Variants in RGL1 observed in about 807,000 individuals in gnomAD.
The protein encoded by RGL1 is ral guanine nucleotide dissociation stimulator-like 1.
Under a neutral mutation model 95.2 loss-of-function variants are expected in RGL1, and 24 were observed. That is an observed-to-expected ratio of 0.25 (90% CI 0.18 to 0.35). RGL1 has a LOEUF of 0.35. Among genes scored for constraint, RGL1 ranks in the 10% least tolerant of loss-of-function variants. The probability of loss-of-function intolerance (pLI) is 1.00; values close to 1 mark genes in which losing one functional copy is unlikely to be tolerated. For missense variants in RGL1, 715 were observed against 936.3 expected (o/e 0.76, Z 3.08); for synonymous variants, 329 against 344.9 (o/e 0.95, Z 0.51).
At chr1:183,834,050 G>A (rs1317356597) in intron 2 of RGL1, among the ~76,000 whole-genome samples, 3 of 149,634 alleles carry the variant, frequency 2.0e-5, no homozygotes, top group East Asian at 3.9e-4. Flanking sequence ...GACCTCATAA[G>A]AGTCTAGGCC....
In RGL1 at chr1:183,864,495, G is replaced by A. The variant is rs77446737; in HGVS notation, c.348-1501G>A. Reference sequence around the variant, plus strand: ...CACCAAGCCTGCTGTGAGAGAGTACGAGGACATAGTTTGCTACGATGTTGG... The same window carrying A: ...CACCAAGCCTGCTGTGAGAGAGTACAAGGACATAGTTTGCTACGATGTTGG... On this transcript the variant is annotated intron_variant, in intron 3 of 17. Coordinates refer to ENST00000360851, the MANE Select transcript of RGL1 (RefSeq NM_001297671.3). Among the ~76,000 whole-genome samples, 132 of 152,332 alleles carry A rather than the reference G, an allele frequency of 8.7e-4. 2 individuals carry two copies. In the East Asian group the frequency reaches 0.023, roughly 26 times the overall value.
intron 1 of RGL1, among the ~76,000 whole-genome samples, chr1:183,736,679 A>C (rs907042202): frequency 1.3e-5 from 2 of 152,224 alleles, no homozygotes; most frequent in African/African-American, 2.4e-5. Flanking sequence ...ATGTAGGAGG[A>C]AAGAAATGGC....
intron 3 of RGL1, among the ~76,000 whole-genome samples, chr1:183,852,843 A>G (rs926519404): frequency 2.0e-5 from 3 of 152,094 alleles, no homozygotes; most frequent in South Asian, 4.2e-4. Context: ...CATTTTAAAC[A>G]TAAGGGTGTT....
intron 1 of RGL1, among the ~76,000 whole-genome samples, chr1:183,737,005 A>T (rs890242571): frequency 6.6e-6 from 1 of 152,200 alleles, no homozygotes; most frequent in Non-Finnish European, 1.5e-5. Flanking sequence ...GATGTCTCAT[A>T]TGCTATTTAT....
chr1:183,776,030 T>C (rs1468768403), intron 2 of RGL1, among the ~76,000 whole-genome samples: 2 of 152,110 alleles, frequency 1.3e-5, no homozygotes, highest in Non-Finnish European at 2.9e-5. Context: ...AATTGATTCC[T>C]ACCTTTATAA....
At chr1:183,666,504 C>T (rs1652047989) in intron 1 of RGL1, among the ~76,000 whole-genome samples, 1 of 151,884 alleles carries the variant, frequency 6.6e-6, no homozygotes. Flanking sequence ...TGGAATTTTC[C>T]AGCTATCTTT....
intron 2 of RGL1, among the ~76,000 whole-genome samples, chr1:183,840,589 A>G (rs1220679892): frequency 2.0e-5 from 3 of 152,010 alleles, no homozygotes; most frequent in African/African-American, 4.8e-5. Context: ...CAGGCCAGGT[A>G]TGGTGGCTCA....
At chr1:183,882,432 T>C (rs866966541) in intron 5 of RGL1, among the ~76,000 whole-genome samples, 19 of 152,332 alleles carry the variant, frequency 1.2e-4, no homozygotes, top group African/African-American at 4.3e-4. Context: ...TCTGAACCTT[T>C]ATTTGGGATC....
At chr1:183,642,689 G>A (rs1650007637) in intron 1 of RGL1, among the ~76,000 whole-genome samples, 1 of 152,156 alleles carries the variant, frequency 6.6e-6, no homozygotes, top group South Asian at 2.1e-4. Flanking sequence ...ACTAGACATA[G>A]AGCCTGATTT....
intron 8 of RGL1, among the ~76,000 whole-genome samples, chr1:183,891,417 T>C (rs557945216): frequency 1.3e-5 from 2 of 152,272 alleles, no homozygotes; most frequent in South Asian, 4.1e-4. Flanking sequence ...AGCACTGTCA[T>C]ATTTCCCTTG....
At chr1:183,891,856 A>G (rs1286261691) in intron 8 of RGL1, among the ~76,000 whole-genome samples, 1 of 151,410 alleles carries the variant, frequency 6.6e-6, no homozygotes, top group African/African-American at 2.4e-5. Flanking sequence ...GGCTAGGGAA[A>G]TATACCTCTC....
intron 1 of RGL1, among the ~76,000 whole-genome samples, chr1:183,650,654 CTG>C (rs1325879619): frequency 6.6e-6 from 1 of 150,754 alleles, no homozygotes; most frequent in Non-Finnish European, 1.5e-5. Context: ...ATAAATATTT[CTG>C]TGAGAAATTA....
chr1:183,801,601 A>G (rs1398734668), upstream of RGL1, among the ~76,000 whole-genome samples: 2 of 152,106 alleles, frequency 1.3e-5, no homozygotes, highest in Admixed American at 1.3e-4. Flanking sequence ...TTCCCCCTAT[A>G]TTTTTATCTA....
rs957977079 is a variant in RGL1 at position 183,916,796 on chromosome 1, C to T, written c.2004+95C>T. ...AGACTAATAGCCCTAAATATGCACA[C>T]TCAATATTAGCATATACATATATGC... On this transcript the variant is annotated intron_variant, in intron 16 of 17. Coordinates refer to ENST00000360851, the MANE Select transcript of RGL1 (RefSeq NM_001297671.3). 2.9e-6 allele frequency: 4 copies of T among 1,389,776 alleles called. No homozygotes were observed. The African/African-American group carries it at 5.7e-5, about 20-fold the overall frequency. 86.1% of individuals were successfully genotyped at this position (1,389,776 alleles called of 1,614,324 possible). A position where few individuals can be genotyped will look rare whatever the true frequency, so the allele number is the denominator to read the frequency against.
intron 5 of RGL1, 51 bp downstream of exon 5, chr1:183,880,851 C>A (rs776242005): frequency 1.3e-6 from 2 of 1,533,934 alleles, no homozygotes; most frequent in Admixed American, 3.6e-5. Flanking sequence ...ATTCTCCAGC[C>A]TCCACGCTGG....
intron 1 of RGL1, among the ~76,000 whole-genome samples, chr1:183,672,548 C>G (rs1045058238): frequency 6.6e-6 from 1 of 152,136 alleles, no homozygotes; most frequent in Non-Finnish European, 1.5e-5. Context: ...GTTAATTTCT[C>G]CGGATCAGTC....
chr1:183,928,097 C>T lies in RGL1; in HGVS notation c.*1805C>T, dbSNP rs553475577. The T allele has an allele frequency of 6.6e-6, 1 of 151,786 alleles. No homozygotes were observed. The highest frequency in any genetic ancestry group is 1.5e-5 in the Non-Finnish European group (1 of 67,938). 9.4% of individuals were successfully genotyped at this position (151,786 alleles called of 1,614,324 possible). ...CTTCTGTGCTTGTAGGAGAGATGGC[C>T]AGGGTGGCAGCCCTCATGCAGGTTG... On this transcript the variant is annotated 3_prime_UTR_variant, in exon 18 of 18. Coordinates refer to ENST00000360851, the MANE Select transcript of RGL1 (RefSeq NM_001297671.3).
At position 183,889,308 on chromosome 1, in the gene RGL1, A is replaced by G. The variant is rs1265900408; in HGVS notation, c.1055+731A>G. Among the ~76,000 whole-genome samples the G allele has an allele frequency of 2.6e-5, 4 of 152,190 alleles. No individual in the cohort carries two copies. The East Asian group carries it at 7.7e-4, about 29-fold the overall frequency. Reference sequence around the variant, plus strand: ...AGAGGCTGGGGATTGTGTCATGAGTACAACTAGGCCAGCTACATTCAACAA... The same window carrying G: ...AGAGGCTGGGGATTGTGTCATGAGTGCAACTAGGCCAGCTACATTCAACAA... On this transcript the variant is annotated intron_variant, in intron 8 of 17. Coordinates refer to ENST00000360851, the MANE Select transcript of RGL1 (RefSeq NM_001297671.3).
chr1:183,787,303 C>T (rs1660225053), intron 2 of RGL1, among the ~76,000 whole-genome samples: 1 of 152,226 alleles, frequency 6.6e-6, no homozygotes. Context: ...TAAAACTCTA[C>T]TCACATTTTA....
Sources: allele counts gnomAD v4.1 joint callset (sites outside exome capture counted in the v4.1 genomes callset), GRCh38; gene constraint gnomAD v4.1.1; transcripts MANE v1.5; gene names NCBI Gene and HGNC (gene_info 2026-07-23, HGNC 2026-07-21).